TRPC6: variants seen among roughly 807,000 people sequenced by gnomAD.
TRPC6 encodes the protein short transient receptor potential channel 6.
TRPC6 carries 55 observed loss-of-function variants against 90.7 expected under a neutral mutation model. The ratio of observed to expected loss-of-function variants is 0.61; its 90% CI spans 0.49 to 0.76. The LOEUF is 0.76. TRPC6 is among the 30% of genes least tolerant of loss of function. TRPC6 has a pLI of 0.00. For missense variants in TRPC6, 989 were observed against 1,122.7 expected (o/e 0.88, Z 1.70); for synonymous variants, 393 against 393.0 (o/e 1.00, Z 0.00).
chr11:101,457,227 G>A (rs1263828142), intron 10 of TRPC6, among the ~76,000 whole-genome samples: 2 of 152,122 alleles, frequency 1.3e-5, no homozygotes, highest in African/African-American at 4.8e-5. Flanking sequence ...TGCAAGCTTT[G>A]TTCCTAATAT....
chr11:101,472,079 G>A (rs1859305246), intron 8 of TRPC6, 58 bp downstream of exon 8: 1 of 1,524,788 alleles, frequency 6.6e-7, no homozygotes, highest in African/African-American at 1.4e-5. Context: ...TGCTGAGTTA[G>A]CCCTTGGAAT....
chr11:101,517,989 A>C (rs568043626), intron 1 of TRPC6, among the ~76,000 whole-genome samples: 8 of 152,334 alleles, frequency 5.3e-5, no homozygotes, highest in African/African-American at 1.9e-4. Flanking sequence ...TACTGTGGCC[A>C]ATGAAAGCAG....
Position 101,476,419 on chromosome 11 carries a change from A to G in TRPC6, c.1626T>C (p.Ile542=). The part of the protein sequence containing the change: ...GMLAIFAASF[I]ARFMAFWHAS... ...CATGCCAAAATGCCATGAATCTCGCAATGAATGATGCTGCGAAAATTGCTA... is the reference window on the plus strand; with the variant it reads ...CATGCCAAAATGCCATGAATCTCGCGATGAATGATGCTGCGAAAATTGCTA... Residue 542 remains isoleucine (I), a synonymous_variant, in exon 6 of 13, where the codon ATT becomes ATC. Transcript: ENST00000344327. 6.2e-7 allele frequency: 1 copy of G among 1,614,156 alleles called. No homozygotes were observed. The highest frequency in any genetic ancestry group is 1.3e-5 in the African/African-American group (1 of 75,044).
At chr11:101,459,049 T>C (rs1449552187) in intron 10 of TRPC6, among the ~76,000 whole-genome samples, 1 of 152,184 alleles carries the variant, frequency 6.6e-6, no homozygotes, top group Non-Finnish European at 1.5e-5. Flanking sequence ...CCTTAAAAAA[T>C]CTTCTCAGGA....
chr11:101,469,641 A>G (rs895857726), intron 9 of TRPC6, 140 bp from the exon 10 acceptor site: 3 of 583,148 alleles, frequency 5.1e-6, no homozygotes, highest in Non-Finnish European at 6.1e-6. Flanking sequence ...TTCCCTTTGC[A>G]AGTGCTTGCT....
chr11:101,532,792 C>G (rs1236358774), intron 1 of TRPC6, among the ~76,000 whole-genome samples: 1 of 152,050 alleles, frequency 6.6e-6, no homozygotes, highest in Non-Finnish European at 1.5e-5. Context: ...TGTTCCCCTC[C>G]CTGTCACTTG....
chr11:101,509,699 C>T (rs1323483154), intron 1 of TRPC6, among the ~76,000 whole-genome samples: 2 of 152,094 alleles, frequency 1.3e-5, no homozygotes, highest in South Asian at 2.1e-4. Flanking sequence ...GAAGGAACAG[C>T]AAAGATATTT....
chr11:101,518,522 T>C lies in TRPC6; in HGVS notation c.171-13724A>G, dbSNP rs867085899. On this transcript the variant is annotated intron_variant, in intron 1 of 12. Transcript: ENST00000344327. ...TCATCTCACCCAAGTTAAAATGAAT[T>C]ATATCCAAAAGACAGGCAATAACAA... Among the ~76,000 whole-genome samples, 9 of 152,062 alleles carry C rather than the reference T, an allele frequency of 5.9e-5. 1 individual carries two copies. Among genetic ancestry groups the C allele is most frequent in the Admixed American group, 1.3e-4 (2 of 15,260 alleles).
At position 101,518,098 on chromosome 11, in the gene TRPC6, G is replaced by A. The variant is rs541193103; in HGVS notation, c.171-13300C>T. On this transcript the variant is annotated intron_variant, in intron 1 of 12. Transcript: ENST00000344327. The stretch of plus-strand genomic sequence containing the variant: ...ATACTGGTATATCTGCTCATGAGAT[G>A]TTATTGTGGAACTTAATCAATAGAA... 9.8e-5 allele frequency among the ~76,000 whole-genome samples: 15 copies of A among 152,316 alleles called. 1 individual carries two copies. In the South Asian group the frequency reaches 2.1e-3, roughly 21 times the overall value.
chr11:101,521,693 A>T (rs1860664477), intron 1 of TRPC6, among the ~76,000 whole-genome samples: 2 of 152,366 alleles, frequency 1.3e-5, no homozygotes, highest in Non-Finnish European at 2.9e-5. Flanking sequence ...GAGAGCAGCC[A>T]TGGGAACTAA....
intron 2 of TRPC6, among the ~76,000 whole-genome samples, chr11:101,498,280 C>G (rs974782796): frequency 3.3e-4 from 50 of 152,070 alleles, no homozygotes; most frequent in Admixed American, 2.0e-4. Context: ...CTACCAAAGC[C>G]TAAAACTATT....
chr11:101,506,479 G>C (rs1293463779), intron 1 of TRPC6, among the ~76,000 whole-genome samples: 1 of 152,104 alleles, frequency 6.6e-6, no homozygotes, highest in Non-Finnish European at 1.5e-5. Context: ...CTCACAAACA[G>C]ATTTTGCTTC....
At chr11:101,577,682 G>A (rs1390062518) in intron 1 of TRPC6, among the ~76,000 whole-genome samples, 1 of 152,130 alleles carries the variant, frequency 6.6e-6, no homozygotes, top group Non-Finnish European at 1.5e-5. Flanking sequence ...AATGCTTGGG[G>A]CCAGGCAAGG....
At chr11:101,495,589 G>GTAA (rs1425257122) in intron 2 of TRPC6, among the ~76,000 whole-genome samples, 3 of 137,348 alleles carry the variant, frequency 2.2e-5, no homozygotes, top group South Asian at 4.6e-4. Flanking sequence ...CAGATCAATG[G>GTAA]TAATTATTAT....
intron 1 of TRPC6, among the ~76,000 whole-genome samples, chr11:101,557,311 T>C (rs1421172803): frequency 1.3e-5 from 2 of 152,150 alleles, no homozygotes; most frequent in Non-Finnish European, 2.9e-5. Flanking sequence ...TCCGAGACTG[T>C]GCCACTGCAC....
chr11:101,512,106 C>T (rs1324869015), intron 1 of TRPC6, among the ~76,000 whole-genome samples: 1 of 152,174 alleles, frequency 6.6e-6, no homozygotes, highest in Non-Finnish European at 1.5e-5. Context: ...TCACAGTGAA[C>T]TCCCAAATCC....
In TRPC6 at chr11:101,453,685, G is replaced by A; in HGVS notation, c.2609C>T (p.Ala870Val). 1.2e-6 allele frequency: 2 copies of A among 1,613,840 alleles called. No homozygotes were observed. The highest frequency in any genetic ancestry group is 1.7e-6 in the Non-Finnish European group (2 of 1,179,852). Residue 870 changes from alanine (A) to valine (V), a missense_variant, in exon 12 of 13, where the codon GCC becomes GTC. Ala to Val is a moderately conservative substitution (Grantham distance 64). This residue lies in a region of TRPC6 where 191 missense variants were observed against 196.7 expected (regional missense o/e 0.97). Transcript: ENST00000344327. ...KRLIKRYVLQ[A>V]QIDKESDEVN... The stretch of plus-strand genomic sequence containing the variant: ...TTCATCACTCTCCTTATCTATCTGG[G>A]CCTGCAGTACATATCTTTTAATGAG...
At chr11:101,467,275 C>A (rs982058675) in intron 10 of TRPC6, among the ~76,000 whole-genome samples, 3 of 151,922 alleles carry the variant, frequency 2.0e-5, no homozygotes, top group Non-Finnish European at 4.4e-5. Context: ...TTTTTGCATT[C>A]TTTTTATAGG....
chr11:101,528,619 T>C (rs763061284), intron 1 of TRPC6, among the ~76,000 whole-genome samples: 1 of 152,320 alleles, frequency 6.6e-6, no homozygotes, highest in Middle Eastern at 3.4e-3. Context: ...TACTAACTCT[T>C]ATGTGTAGTC....
Sources: gnomAD v4.1 joint callset for allele counts (sites outside exome capture counted in the v4.1 genomes callset) on GRCh38, gnomAD v4.1.1 for gene constraint, gnomAD v4.1.1 regional missense constraint, MANE v1.5 for transcripts, NCBI Gene and HGNC (gene_info 2026-07-23, HGNC 2026-07-21) for gene names.